STAU1: variants seen among roughly 807,000 people sequenced by gnomAD.
STAU1 encodes staufen double-stranded RNA binding protein 1, also known as double-stranded RNA-binding protein Staufen homolog 1.
Under a neutral mutation model 62.9 loss-of-function variants are expected in STAU1, and 13 were observed. The ratio of observed to expected loss-of-function variants is 0.21; its 90% confidence interval spans 0.13 to 0.33. STAU1 has a LOEUF of 0.33. Among genes scored for constraint, STAU1 ranks in the 10% least tolerant of loss-of-function variants. STAU1 has a pLI of 1.00. For missense variants in STAU1, 571 were observed against 712.1 expected (o/e 0.80, Z 2.25); for synonymous variants, 269 against 265.1 (o/e 1.01, Z -0.14).
chr20:49,189,284 T>TA (rs2093824985), upstream of STAU1, among the ~76,000 whole-genome samples: 1 of 138,012 alleles, frequency 7.2e-6, no homozygotes, highest in African/African-American at 2.6e-5. Context: ...CAGACCTAGA[T>TA]AAACTAAGTG....
chr20:49,196,798 AG>A, the STAU1 span, among the ~76,000 whole-genome samples: 1 of 145,232 alleles, frequency 6.9e-6, no homozygotes, highest in East Asian at 2.0e-4. Context: ...AAAAAAAAAA[AG>A]AAACAGCAAC....
intron 3 of STAU1, among the ~76,000 whole-genome samples, chr20:49,165,578 C>A (rs920347441): frequency 6.7e-6 from 1 of 149,026 alleles, no homozygotes; most frequent in African/African-American, 2.5e-5. Context: ...TCTGCTGATC[C>A]ACCTGCCTCA....
chr20:49,173,282 AC>A (rs1448862071), intron 2 of STAU1, among the ~76,000 whole-genome samples: 1 of 151,328 alleles, frequency 6.6e-6, no homozygotes, highest in Non-Finnish European at 1.5e-5. Context: ...ACACGGTGAA[AC>A]CCTGTCTCTA....
intron 1 of STAU1, among the ~76,000 whole-genome samples, chr20:49,176,868 G>A (rs1289216410): frequency 6.7e-6 from 1 of 149,688 alleles, no homozygotes; most frequent in Non-Finnish European, 1.5e-5. Flanking sequence ...TTTTTGTTTT[G>A]TTTCCAAATT....
At position 49,134,434 on chromosome 20, in the gene STAU1, G is replaced by GAAAAAAAAAAAAAAAAAAAAAAAAAAAAA. The variant is rs3091730; in HGVS notation, c.609+1398_609+1399insTTTTTTTTTTTTTTTTTTTTTTTTTTTTT. 16 of 436,034 alleles carry GAAAAAAAAAAAAAAAAAAAAAAAAAAAAA rather than the reference G, an allele frequency of 3.7e-5. 3 individuals are homozygous for GAAAAAAAAAAAAAAAAAAAAAAAAAAAAA. Among genetic ancestry groups the GAAAAAAAAAAAAAAAAAAAAAAAAAAAAA allele is most frequent in the African/African-American group, 2.0e-4 (8 of 39,208 alleles). The allele number at this position is 436,034 out of a possible 1,614,324, so 27.0% of individuals were successfully genotyped here. On this transcript the variant is annotated intron_variant, in intron 6 of 13. Coordinates refer to ENST00000371856, the MANE Select transcript of STAU1 (RefSeq NM_017453.4). The stretch of plus-strand genomic sequence containing the variant: ...CGACAAGAGTGAAACTCATCTCAGG[G>GAAAAAAAAAAAAAAAAAAAAAAAAAAAAA]AAAAAAAAAAAAAAAGCTCTGGGTT...
upstream of STAU1, among the ~76,000 whole-genome samples, chr20:49,189,126 C>G (rs1467378165): frequency 7.2e-6 from 1 of 138,456 alleles, no homozygotes; most frequent in Non-Finnish European, 1.5e-5. Flanking sequence ...TCGCTTGAAC[C>G]CGGGAGGCGG....
chr20:49,202,328 G>A, the STAU1 span, among the ~76,000 whole-genome samples: 1 of 152,016 alleles, frequency 6.6e-6, no homozygotes, highest in Non-Finnish European at 1.5e-5. Context: ...TTAGGAGGCC[G>A]AGCTGGGCAG....
intron 1 of STAU1, among the ~76,000 whole-genome samples, chr20:49,187,861 A>C (rs1224982430): frequency 6.9e-6 from 1 of 144,680 alleles, no homozygotes; most frequent in African/African-American, 2.5e-5. Flanking sequence ...AGGCGGCCGC[A>C]GCACCTGTTT....
chr20:49,118,933 C>G (rs1180403173), intron 9 of STAU1, among the ~76,000 whole-genome samples: 1 of 152,176 alleles, frequency 6.6e-6, no homozygotes, highest in Admixed American at 6.5e-5. Flanking sequence ...CTCTGAATGT[C>G]CTACAAGATT....
At position 49,118,729 on chromosome 20, in the gene STAU1, G is replaced by A. The variant is rs139128058; in HGVS notation, c.1114-321C>T. Among the ~76,000 whole-genome samples, 201 of 152,308 alleles carry A rather than the reference G, an allele frequency of 1.3e-3. 1 individual carries two copies. The highest frequency in any genetic ancestry group is 2.2e-3 in the Non-Finnish European group (149 of 68,030). ...ACCAGAAAGAGCAGAGATGCTAGAC[G>A]GTAGAGCCCACCAAGGTGGGGAAAG... On this transcript the variant is annotated intron_variant, in intron 9 of 13. Transcript: ENST00000371856.
chr20:49,156,623 A>G (rs1409344616), intron 3 of STAU1, among the ~76,000 whole-genome samples: 1 of 152,128 alleles, frequency 6.6e-6, no homozygotes, highest in African/African-American at 2.4e-5. Context: ...ATACCAGTTC[A>G]CTCAGCTCCC....
chr20:49,170,306 T>C (rs1264664859), intron 2 of STAU1, among the ~76,000 whole-genome samples: 2 of 152,244 alleles, frequency 1.3e-5, no homozygotes, highest in African/African-American at 4.8e-5. Context: ...ACTTTCAACT[T>C]ACAGACTGTT....
At chr20:49,219,013 C>CAAAAA in the STAU1 span, among the ~76,000 whole-genome samples, 1 of 53,160 alleles carries the variant, frequency 1.9e-5, no homozygotes, top group Non-Finnish European at 3.6e-5. Flanking sequence ...AACCCTGCCT[C>CAAAAA]AAAAAAAAAA....
rs754052019 is a variant in STAU1 at position 49,158,826 on chromosome 20, G to A, written c.206-4755C>T. On this transcript the variant is annotated intron_variant, in intron 3 of 13. Transcript: ENST00000371856. ...ATTTCAAAATAAAAAAAAGCCGGGC[G>A]CGGTGGCTCATGCCTGTAATCCCAG... 4.0e-5 allele frequency: 28 copies of A among 700,764 alleles called. 1 individual carries two copies. Among genetic ancestry groups the A allele is most frequent in the South Asian group, 1.9e-4 (10 of 52,460 alleles). 43.4% of individuals were successfully genotyped at this position (700,764 alleles called of 1,614,324 possible). A position where few individuals can be genotyped will look rare whatever the true frequency, so the allele number is the denominator to read the frequency against.
intron 1 of STAU1, among the ~76,000 whole-genome samples, chr20:49,175,540 C>T (rs1021221694): frequency 6.6e-6 from 1 of 151,930 alleles, no homozygotes; most frequent in Non-Finnish European, 1.5e-5. Flanking sequence ...AGTGCAGTGG[C>T]GTGATGTCGG....
chr20:49,177,930 C>G (rs1425171933), intron 1 of STAU1, among the ~76,000 whole-genome samples: 1 of 152,132 alleles, frequency 6.6e-6, no homozygotes, highest in African/African-American at 2.4e-5. Flanking sequence ...CCTGTAATCC[C>G]AACACTTTGG....
Position 49,163,721 on chromosome 20 carries a change from G to A in STAU1, c.205+2276C>T, listed in dbSNP as rs562464886. ...ATTATGGGCATGAGCCACTGCAACC[G>A]GCAAGGTACCTTTAGTTCATTTTCC... On this transcript the variant is annotated intron_variant, in intron 3 of 13. Coordinates refer to ENST00000371856, the MANE Select transcript of STAU1 (RefSeq NM_017453.4). Among the ~76,000 whole-genome samples the A allele has an allele frequency of 5.3e-5, 8 of 152,182 alleles. No homozygotes were observed. In the South Asian group the frequency reaches 6.2e-4, roughly 12 times the overall value.
chr20:49,213,223 C>A, the STAU1 span, among the ~76,000 whole-genome samples: 1 of 151,654 alleles, frequency 6.6e-6, no homozygotes, highest in Admixed American at 6.6e-5. Flanking sequence ...CTATGTTGCC[C>A]AGGCTCATTT....
chr20:49,165,997 C>G lies in STAU1; in HGVS notation c.205G>C (p.Glu69Gln), dbSNP rs761725904. 6.2e-7 allele frequency: 1 copy of G among 1,614,042 alleles called. No individual in the cohort carries two copies. The highest frequency in any genetic ancestry group is 1.7e-5 in the Admixed American group (1 of 60,024). Reference protein sequence around the residue: ...ASITSTSAAAESITPTVELNA... With the variant: ...ASITSTSAAAQSITPTVELNA... ...AAGACACTTGGATTCATATGCTTAC[C>G]TGCAGCTGCACTGGTGGATGTAATA... The change falls in exon 3 of 14, where the codon GAA (glutamate) becomes CAA (glutamine). Residue 69 changes from glutamate (E) to glutamine (Q), a missense_variant and splice_region_variant. Coordinates refer to ENST00000371856, the MANE Select transcript of STAU1 (RefSeq NM_017453.4).
Sources: allele counts gnomAD v4.1 joint callset (sites outside exome capture counted in the v4.1 genomes callset), GRCh38; gene constraint gnomAD v4.1.1; transcripts MANE v1.5; gene names NCBI Gene and HGNC (gene_info 2026-07-23, HGNC 2026-07-21).